The following CACNA1C variants were observed in gnomAD, a reference collection of about 807,000 sequenced individuals.
The protein encoded by CACNA1C is voltage-dependent L-type calcium channel subunit alpha-1C.
Under a neutral mutation model 229.0 loss-of-function variants are expected in CACNA1C, and 30 were observed. The observed-to-expected ratio is 0.13, with a 90% CI of 0.10 to 0.18. The LOEUF (loss-of-function observed/expected upper bound fraction) is 0.18, where lower values mean the gene tolerates loss of function less well. CACNA1C is among the 10% of genes least tolerant of loss of function. CACNA1C has a pLI of 1.00. For synonymous variants in CACNA1C, 1,114 were observed against 1,132.5 expected, an observed-to-expected ratio of 0.98 and a Z score of 0.33; for missense variants, 1,658 against 2,845.0, an observed-to-expected ratio of 0.58 and a Z score of 9.49.
At chr12:2,208,183 A>G (rs2154334322) in intron 3 of CACNA1C, among the ~76,000 whole-genome samples, 1 of 152,328 alleles carries the variant, frequency 6.6e-6, no homozygotes, top group African/African-American at 2.4e-5. Flanking sequence ...GTATAAAGTG[A>G]TAAGCAAGGA....
rs2092467176 is a variant in CACNA1C at position 2,285,352 on chromosome 12, T to C, written c.478-163624T>C. On this transcript the variant is annotated intron_variant, in intron 3 of 46. Coordinates refer to ENST00000399655, the MANE Select transcript of CACNA1C (RefSeq NM_000719.7). The surrounding 1 kb of genome is among the most constrained non-coding windows in gnomAD (Gnocchi z 4.2). ...CATATGCTACACCCAGAGCTTTCCT[T>C]CCCCCTCTCCTAAAAGCCAGTTGCT... Among the ~76,000 whole-genome samples the C allele has an allele frequency of 6.6e-6, 1 of 152,108 alleles. No homozygotes were observed. The highest frequency in any genetic ancestry group is 1.5e-5 in the Non-Finnish European group (1 of 68,020).
At chr12:2,230,798 C>T (rs1309037811) in intron 3 of CACNA1C, among the ~76,000 whole-genome samples, 7 of 152,182 alleles carry the variant, frequency 4.6e-5, no homozygotes. Flanking sequence ...TGCACAAGGT[C>T]CTGTTCTGAG....
In CACNA1C at chr12:2,481,508, A is replaced by G. The variant is rs1481589807; in HGVS notation, c.758-4596A>G. On this transcript the variant is annotated intron_variant, in intron 5 of 46. Coordinates refer to ENST00000399655, the MANE Select transcript of CACNA1C (RefSeq NM_000719.7). ...AATCCATGTCTGCCGGCTAAACTCC[A>G]TCCTCCCCTTTTCCCGAGCCCAGCA... Among the ~76,000 whole-genome samples, 4 of 152,146 alleles carry G rather than the reference A, an allele frequency of 2.6e-5. No individual in the cohort carries two copies. The East Asian group carries it at 7.7e-4, about 29-fold the overall frequency.
In CACNA1C at chr12:2,507,862, C is replaced by T. The variant is rs376164895; in HGVS notation, c.1217+2917C>T. Among the ~76,000 whole-genome samples the T allele has an allele frequency of 2.6e-5, 4 of 152,360 alleles. No individual in the cohort carries two copies. In the East Asian group the frequency reaches 5.8e-4, roughly 22 times the overall value. On this transcript the variant is annotated intron_variant, in intron 8 of 46. Coordinates refer to ENST00000399655, the MANE Select transcript of CACNA1C (RefSeq NM_000719.7). ...CCTGACCTCTGTGGTGTACTCTCCC[C>T]AAACCCATAGGACGGGTTCATCCCA...
intron 9 of CACNA1C, among the ~76,000 whole-genome samples, chr12:2,534,755 A>C (rs1291878730): frequency 6.6e-6 from 1 of 152,192 alleles, no homozygotes; most frequent in Non-Finnish European, 1.5e-5. Flanking sequence ...GTGCCCTCTA[A>C]AACTACTCTG....
intron 9 of CACNA1C, among the ~76,000 whole-genome samples, chr12:2,523,974 A>G (rs1040058627): frequency 2.0e-5 from 3 of 152,246 alleles, no homozygotes; most frequent in African/African-American, 7.2e-5. Context: ...GTCAGAGGCT[A>G]TCAGTGGAGG....
chr12:2,100,485 A>AC (rs1307936129), intron 1 of CACNA1C, among the ~76,000 whole-genome samples: 12 of 150,052 alleles, frequency 8.0e-5, no homozygotes, highest in Middle Eastern at 3.2e-3. Context: ...AAAAACAAAA[A>AC]AAAAAAACAA....
rs1598335102 is a variant in CACNA1C, at chr12:2,504,575, A to G, written c.1114-267A>G. The G allele has an allele frequency of 7.9e-7, 1 of 1,260,356 alleles. No individual in the cohort carries two copies. Among genetic ancestry groups the G allele is most frequent in the East Asian group, 2.3e-5 (1 of 43,104 alleles). 78.1% of individuals were successfully genotyped at this position (1,260,356 alleles called of 1,614,324 possible). A position where few individuals can be genotyped will look rare whatever the true frequency, so the allele number is the denominator to read the frequency against. The stretch of plus-strand genomic sequence containing the variant: ...CGTTTCTATGTCCTCTCCACAACGC[A>G]GCCGAGCAAGGTCTCAGGTTCCACT... On this transcript the variant is annotated intron_variant, in intron 7 of 46. Transcript: ENST00000399655. The surrounding 1 kb of genome is among the most constrained non-coding windows in gnomAD (Gnocchi z 6.8).
intron 29 of CACNA1C, among the ~76,000 whole-genome samples, chr12:2,626,911 G>A (rs1322443498): frequency 6.6e-6 from 1 of 152,162 alleles, no homozygotes; most frequent in African/African-American, 2.4e-5. Flanking sequence ...AAATGAATGA[G>A]TAAATAAATG....
chr12:2,412,067 C>T (rs564548454), intron 3 of CACNA1C, among the ~76,000 whole-genome samples: 5 of 150,590 alleles, frequency 3.3e-5, no homozygotes, highest in East Asian at 2.0e-4. Flanking sequence ...CACGCCCAAG[C>T]CCCCCCCATG....
At chr12:2,358,806 T>C (rs12308027) in intron 3 of CACNA1C, among the ~76,000 whole-genome samples, 10,051 of 152,162 alleles carry the variant, frequency 0.066, 1,133 homozygotes, top group African/African-American at 0.23. Flanking sequence ...CAGCAAAGCC[T>C]ACAGTCACTG....
chr12:2,042,164 T>G (rs1023418360), intron 1 of CACNA1C, among the ~76,000 whole-genome samples: 12 of 152,224 alleles, frequency 7.9e-5, no homozygotes, highest in Admixed American at 7.9e-4. Flanking sequence ...TCAAAGATTT[T>G]TCATCATTTC....
rs76336505 is a variant in CACNA1C, at chr12:2,030,410, C to T, written c.139+59209C>T. Among the ~76,000 whole-genome samples, 1,342 of 149,764 alleles carry T rather than the reference C, an allele frequency of 9.0e-3. 21 individuals are homozygous for T. The highest frequency in any genetic ancestry group is 0.026 in the South Asian group (122 of 4,754). On this transcript the variant is annotated intron_variant, in intron 1 of 46. Transcript: ENST00000682462. ...ATAGTTTTTTTTTTTGTTTTAATTTCCTTACTCTCATAAACCAAGACCTTC... is the reference window on the plus strand; with the variant it reads ...ATAGTTTTTTTTTTTGTTTTAATTTTCTTACTCTCATAAACCAAGACCTTC...
At chr12:2,248,428 C>T (rs2074237493) in intron 3 of CACNA1C, among the ~76,000 whole-genome samples, 1 of 152,222 alleles carries the variant, frequency 6.6e-6, no homozygotes, top group Non-Finnish European at 1.5e-5. Context: ...CCGAGGCCGC[C>T]TCACTGGGCT....
At chr12:2,207,672 G>T (rs569703215) in intron 3 of CACNA1C, among the ~76,000 whole-genome samples, 83 of 152,160 alleles carry the variant, frequency 5.5e-4, no homozygotes, top group Middle Eastern at 6.8e-3. Flanking sequence ...AAATTAGTCA[G>T]GTGTGGTGGT....
At chr12:2,440,026 T>C (rs1023554681) in intron 3 of CACNA1C, among the ~76,000 whole-genome samples, 7 of 152,130 alleles carry the variant, frequency 4.6e-5, no homozygotes, top group African/African-American at 1.4e-4. Flanking sequence ...TTCTTCCCAG[T>C]CTAGGCTCAC....
Position 2,423,557 on chromosome 12 carries a change from C to G in CACNA1C, c.478-25419C>G, listed in dbSNP as rs1464135032. Among the ~76,000 whole-genome samples, 2 of 152,174 alleles carry G rather than the reference C, an allele frequency of 1.3e-5. 1 individual carries two copies. The highest frequency in any genetic ancestry group is 4.2e-4 in the South Asian group (2 of 4,818). Reference sequence around the variant, plus strand: ...GGGACACTGGTTGGAATATAGAACACATGTAATAAAATGAGTTGATAGAGT... The same window carrying G: ...GGGACACTGGTTGGAATATAGAACAGATGTAATAAAATGAGTTGATAGAGT... On this transcript the variant is annotated intron_variant, in intron 3 of 46. Coordinates refer to ENST00000399655, the MANE Select transcript of CACNA1C (RefSeq NM_000719.7).
intron 3 of CACNA1C, among the ~76,000 whole-genome samples, chr12:2,251,517 G>A (rs1410471052): frequency 6.6e-6 from 1 of 152,200 alleles, no homozygotes; most frequent in East Asian, 1.9e-4. Flanking sequence ...TATCTAAGTG[G>A]CACTGCCACA....
At chr12:2,533,608 T>G (rs1257018572) in intron 9 of CACNA1C, among the ~76,000 whole-genome samples, 1 of 152,066 alleles carries the variant, frequency 6.6e-6, no homozygotes, top group African/African-American at 2.4e-5. Context: ...GCAGCAGAGG[T>G]GTGCTCTCTG....
Sources: allele counts gnomAD v4.1 joint callset (sites outside exome capture counted in the v4.1 genomes callset), GRCh38; gene constraint gnomAD v4.1.1; non-coding constraint Gnocchi (gnomAD v3.1); transcripts MANE v1.5; gene names NCBI Gene and HGNC (gene_info 2026-07-23, HGNC 2026-07-21).